R3HDML: variants seen among roughly 807,000 people sequenced by gnomAD.
R3HDML encodes the protein R3H domain containing like, also known as peptidase inhibitor R3HDML.
R3HDML carries 21 observed loss-of-function variants against 24.2 expected under a neutral mutation model. The observed-to-expected ratio is 0.87, with a 90% CI of 0.62 to 1.25. The LOEUF (loss-of-function observed/expected upper bound fraction) is 1.25, where lower values mean the gene tolerates loss of function less well. R3HDML is among the 50% of genes most tolerant of loss of function. The probability of loss-of-function intolerance (pLI) is 0.00; values close to 1 mark genes in which losing one functional copy is unlikely to be tolerated. For synonymous variants in R3HDML, 133 were observed against 131.5 expected, an observed-to-expected ratio of 1.01 and a Z score of -0.08; for missense variants, 301 against 340.3, an observed-to-expected ratio of 0.88 and a Z score of 0.91.
intron 4 of R3HDML, among the ~76,000 whole-genome samples, chr20:44,350,340 C>CG (rs2062805898): frequency 2.0e-5 from 3 of 151,798 alleles, no homozygotes; most frequent in African/African-American, 7.3e-5. Flanking sequence ...ATAGGGAGAC[C>CG]CCCCATCTCT....
chr20:44,343,600 A>G lies in R3HDML; in HGVS notation c.513+91A>G, dbSNP rs1275060531. The G allele has an allele frequency of 3.0e-6, 4 of 1,328,408 alleles. No homozygotes were observed. In the African/African-American group the frequency reaches 6.0e-5, roughly 20 times the overall value. 82.3% of individuals were successfully genotyped at this position (1,328,408 alleles called of 1,614,324 possible). On this transcript the variant is annotated intron_variant, in intron 3 of 4. Transcript: ENST00000217043. The stretch of plus-strand genomic sequence containing the variant: ...TGTGTGGAGCAGAAATAAGAATGCA[A>G]ACAAAGACCGTTATGAGCTTCTTTT...
chr20:44,340,974 G>A (rs1192821975), intron 1 of R3HDML, among the ~76,000 whole-genome samples: 1 of 152,238 alleles, frequency 6.6e-6, no homozygotes, highest in Non-Finnish European at 1.5e-5. Flanking sequence ...CAAGCTCAGA[G>A]TCAAGAGATC....
At chr20:44,339,889 G>T (rs1004928761) in intron 1 of R3HDML, among the ~76,000 whole-genome samples, 2 of 151,842 alleles carry the variant, frequency 1.3e-5, no homozygotes, top group Admixed American at 6.6e-5. Context: ...AGCAATTCTC[G>T]TGCCTCAGCC....
Position 44,337,460 on chromosome 20 carries a change from T to C in R3HDML, c.261+42T>C. The C allele has an allele frequency of 6.3e-7, 1 of 1,583,432 alleles. No homozygotes were observed. The highest frequency in any genetic ancestry group is 1.7e-4 in the Middle Eastern group (1 of 5,952). The stretch of plus-strand genomic sequence containing the variant: ...GCCCCCCACCCCCCGCAGTGTCCCT[T>C]CCGGCAAACGCAGCCGGACTCATCT... On this transcript the variant is annotated intron_variant, in intron 1 of 4. Transcript: ENST00000217043. The surrounding 1 kb of genome is among the most constrained non-coding windows in gnomAD (Gnocchi z 4.7).
rs778120579 is a variant in R3HDML, at chr20:44,341,220, G to C, written c.286G>C (p.Ala96Pro). 6.2e-7 allele frequency: 1 copy of C among 1,613,742 alleles called. No individual in the cohort carries two copies. Among genetic ancestry groups the C allele is most frequent in the Non-Finnish European group, 8.5e-7 (1 of 1,179,696 alleles). Reference protein sequence around the residue: ...YMVWDKRLARAAEAWATQCIW... With the variant: ...YMVWDKRLARPAEAWATQCIW... ...GGTCTGGGACAAGCGGCTGGCCAGG[G>C]CTGCCGAAGCCTGGGCCACCCAGTG... Residue 96 changes from alanine (A) to proline (P), a missense_variant, in exon 2 of 5, where the codon GCT becomes CCT. Transcript: ENST00000217043.
chr20:44,349,506 AGTGTT>A (rs1354961277), intron 4 of R3HDML, among the ~76,000 whole-genome samples: 1 of 152,212 alleles, frequency 6.6e-6, no homozygotes, highest in Non-Finnish European at 1.5e-5. Context: ...GTGCTCCAGA[AGTGTT>A]TGTTGAATGA....
chr20:44,347,033 T>C (rs1440590471), intron 4 of R3HDML, among the ~76,000 whole-genome samples: 1 of 151,978 alleles, frequency 6.6e-6, no homozygotes, highest in East Asian at 1.9e-4. Flanking sequence ...TCCCAGCTAC[T>C]TGGGAGGCTG....
At chr20:44,347,141 C>T (rs1003448519) in intron 4 of R3HDML, among the ~76,000 whole-genome samples, 11 of 152,100 alleles carry the variant, frequency 7.2e-5, no homozygotes, top group African/African-American at 2.7e-4. Context: ...GACTCCGTCT[C>T]AAACAACAAC....
At chr20:44,340,853 A>G (rs1490080826) in intron 1 of R3HDML, among the ~76,000 whole-genome samples, 6 of 152,316 alleles carry the variant, frequency 3.9e-5, no homozygotes, top group South Asian at 2.1e-4. Flanking sequence ...AGAAAATACT[A>G]TAAGTACAAT....
intron 1 of R3HDML, among the ~76,000 whole-genome samples, 159 bp from the exon 2 acceptor site, chr20:44,341,037 A>G (rs937545822): frequency 2.0e-5 from 3 of 152,152 alleles, no homozygotes; most frequent in African/African-American, 7.2e-5. Flanking sequence ...TCAAGTCATC[A>G]GCGAGCTGAG....
At chr20:44,342,525 A>G (rs944995970) in intron 2 of R3HDML, among the ~76,000 whole-genome samples, 1 of 152,198 alleles carries the variant, frequency 6.6e-6, no homozygotes, top group Non-Finnish European at 1.5e-5. Context: ...TCACAGAGAG[A>G]AAGAAAGCAG....
Position 44,337,447 on chromosome 20 carries a change from C to T in R3HDML, c.261+29C>T, listed in dbSNP as rs1351956572. ...AGTCCCCGTACCTGCCCCCCACCCC[C>T]CGCAGTGTCCCTTCCGGCAAACGCA... On this transcript the variant is annotated intron_variant, in intron 1 of 4. Coordinates refer to ENST00000217043, the MANE Select transcript of R3HDML (RefSeq NM_178491.4). This position sits in a 1 kb window ranked among gnomAD's most constrained non-coding sequence, Gnocchi z 4.7. 2.5e-6 allele frequency: 4 copies of T among 1,596,252 alleles called. No individual in the cohort carries two copies. In the East Asian group the frequency reaches 9.0e-5, roughly 36 times the overall value.
chr20:44,338,981 G>A (rs1403079888), intron 1 of R3HDML, among the ~76,000 whole-genome samples: 2 of 150,968 alleles, frequency 1.3e-5, no homozygotes, highest in Admixed American at 1.3e-4. Context: ...GTGGAGGCAG[G>A]AGAATCGCTT....
chr20:44,344,268 G>A (rs146944918), intron 3 of R3HDML, among the ~76,000 whole-genome samples: 7,790 of 149,152 alleles, frequency 0.052, 478 homozygotes, highest in African/African-American at 0.15. Context: ...GCAACAGAAC[G>A]AGACTCCGTC....
rs1378388513 is a variant in R3HDML at position 44,337,161 on chromosome 20, C to A, written c.4C>A (p.Pro2Thr). Residue 2 changes from proline to threonine, a missense_variant, in exon 1 of 5, where the codon CCC becomes ACC. Pro to Thr is a conservative substitution (Grantham distance 38). Transcript: ENST00000217043. The surrounding 1 kb of genome is among the most constrained non-coding windows in gnomAD (Gnocchi z 4.7). M[P>T]LLPSTVGLAG... ...CCTGTGACTCCTCCATCCAGCTATG[C>A]CCCTGCTGCCCAGCACCGTGGGCCT... 3 of 1,612,004 alleles carry A rather than the reference C, an allele frequency of 1.9e-6. No homozygotes were observed. Among genetic ancestry groups the A allele is most frequent in the Non-Finnish European group, 2.5e-6 (3 of 1,179,250 alleles).
rs200656952 is a variant in R3HDML, at chr20:44,337,252, C to G, written c.95C>G (p.Ala32Gly). 1 of 1,614,066 alleles carries G rather than the reference C, an allele frequency of 6.2e-7. No homozygotes were observed. The highest frequency in any genetic ancestry group is 1.7e-5 in the Admixed American group (1 of 60,028). Residue 32 changes from alanine to glycine, a missense_variant, in exon 1 of 5, where the codon GCC (alanine) becomes GGC (glycine). Transcript: ENST00000217043. The surrounding 1 kb of genome is among the most constrained non-coding windows in gnomAD (Gnocchi z 4.7). ...TTGATAATGCCTAATGCTACCCCAG[C>G]CCCGGCCCAGCCCGAGAGCACGGCT... is the stretch of plus-strand genomic sequence containing the variant. ...NALIMPNATP[A>G]PAQPESTAMR...
intron 2 of R3HDML, 111 bp from the exon 3 acceptor site, chr20:44,343,266 T>G: frequency 7.4e-7 from 1 of 1,353,688 alleles, no homozygotes. Flanking sequence ...GATAGGAAAC[T>G]GAGATGGGGG....
At chr20:44,349,054 G>A (rs2062800201) in intron 4 of R3HDML, among the ~76,000 whole-genome samples, 1 of 151,900 alleles carries the variant, frequency 6.6e-6, no homozygotes, top group East Asian at 1.9e-4. Context: ...TTGAACCCGG[G>A]AGGCGGAGTC....
chr20:44,344,354 A>ATTG (rs2062780467), intron 3 of R3HDML, among the ~76,000 whole-genome samples: 1 of 151,514 alleles, frequency 6.6e-6, no homozygotes, highest in Non-Finnish European at 1.5e-5. Context: ...AGGCAGGAGG[A>ATTG]TTGCTTGAGC....
Sources: gnomAD v4.1 joint callset for allele counts (sites outside exome capture counted in the v4.1 genomes callset) on GRCh38, gnomAD v4.1.1 for gene constraint, Gnocchi (gnomAD v3.1) non-coding constraint, MANE v1.5 for transcripts, NCBI Gene and HGNC (gene_info 2026-07-23, HGNC 2026-07-21) for gene names.